PRRC2A: variants seen among roughly 807,000 people sequenced by gnomAD.
The protein encoded by PRRC2A is proline rich coiled-coil 2A.
Under a neutral mutation model 224.6 loss-of-function variants are expected in PRRC2A, and 59 were observed. The observed-to-expected ratio is 0.26, with a 90% confidence interval of 0.21 to 0.33. The LOEUF (loss-of-function observed/expected upper bound fraction) is 0.33, where lower values mean the gene tolerates loss of function less well. Ranked by LOEUF, PRRC2A falls within the 10% of genes least tolerant of loss-of-function variation. The pLI, the probability that PRRC2A is intolerant of heterozygous loss-of-function variation, is 1.00. For synonymous variants in PRRC2A, 1,194 were observed against 1,109.5 expected, an observed-to-expected ratio of 1.08 and a Z score of -1.51; for missense variants, 3,095 against 2,880.7, an observed-to-expected ratio of 1.07 and a Z score of -1.70.
In PRRC2A at chr6:31,636,970, A is replaced by G. The variant is rs1777429427; in HGVS notation, c.6147+25A>G. ...GGTAAGGTACAGGAACTGAGGGGCT[A>G]GGGAGCGCCAAGACTTGGGAGTAGG... is the stretch of plus-strand genomic sequence containing the variant. On this transcript the variant is annotated intron_variant, in intron 28 of 30. Transcript: ENST00000376033. The surrounding 1 kb of genome is among the most constrained non-coding windows in gnomAD (Gnocchi z 4.3). The G allele has an allele frequency of 1.2e-6, 2 of 1,604,928 alleles. No homozygotes were observed. The highest frequency in any genetic ancestry group is 1.7e-6 in the Non-Finnish European group (2 of 1,174,266).
chr6:31,629,358 T>C (rs1463685436), intron 13 of PRRC2A, 24 bp downstream of exon 13: 1 of 1,537,984 alleles, frequency 6.5e-7, no homozygotes, highest in Non-Finnish European at 8.7e-7. Context: ...GTTTACCCTC[T>C]AAGGGCTGCT....
chr6:31,635,536 G>A lies in PRRC2A; in HGVS notation c.5374-46G>A, dbSNP rs377583623. The A allele has an allele frequency of 1.7e-5, 28 of 1,610,612 alleles. 1 individual carries two copies. Among genetic ancestry groups the A allele is most frequent in the East Asian group, 4.5e-5 (2 of 44,880 alleles). On this transcript the variant is annotated intron_variant, in intron 23 of 30. Coordinates refer to ENST00000376033, the MANE Select transcript of PRRC2A (RefSeq NM_004638.4). ...GAAGATTGCTGGGAGTGACCAGGGC[G>A]TCCAGGATGCCAGACATCCCTCTCC...
At chr6:31,635,309 T>C in intron 22 of PRRC2A, 37 bp downstream of exon 22, 1 of 1,613,432 alleles carries the variant, frequency 6.2e-7, no homozygotes, top group Non-Finnish European at 8.5e-7. Context: ...CTGAGTTGGG[T>C]GGAGAGAAGG....
In PRRC2A at chr6:31,625,867, C is replaced by T. The variant is rs1346673582; in HGVS notation, c.835C>T (p.Pro279Ser). 1 of 1,586,132 alleles carries T rather than the reference C, an allele frequency of 6.3e-7. No individual in the cohort carries two copies. Among genetic ancestry groups the T allele is most frequent in the Admixed American group, 1.7e-5 (1 of 59,916 alleles). The change falls in exon 8 of 31, where the codon CCC becomes TCC. Residue 279 changes from proline (P) to serine (S), a missense_variant. Transcript: ENST00000376033. This position sits in a 1 kb window ranked among gnomAD's most constrained non-coding sequence, Gnocchi z 4.1. ...TTACCGATACCCCACTCCTGATGGG[C>T]CCAGGTGAGCAATCCAGGTCTGGGT... ...GPYRYPTPDGPSRFPRVAGPR... is the reference protein window; with the variant it reads ...GPYRYPTPDGSSRFPRVAGPR...
Position 31,630,685 on chromosome 6 carries a change from A to G in PRRC2A, c.2349A>G (p.Pro783=), listed in dbSNP as rs1375786216. 6.2e-7 allele frequency: 1 copy of G among 1,614,058 alleles called. No homozygotes were observed. Among genetic ancestry groups the G allele is most frequent in the Middle Eastern group, 1.6e-4 (1 of 6,062 alleles). Residue 783 remains proline (P), a synonymous_variant, in exon 15 of 31, where the codon CCA becomes CCG. Transcript: ENST00000376033. ...CTATGTTACGGGAACGGGGCACTCC[A>G]CCGGTGGATCCAAAGTTGGCCTGGG... ...APAMLRERGT[P]PVDPKLAWVG...
At position 31,627,412 on chromosome 6, in the gene PRRC2A, AG is replaced by A. The variant is rs530080304; in HGVS notation, c.1290+215del. Among the ~76,000 whole-genome samples, 4 of 152,300 alleles carry A rather than the reference AG, an allele frequency of 2.6e-5. No individual in the cohort carries two copies. In the East Asian group the frequency reaches 7.7e-4, roughly 29 times the overall value. On this transcript the variant is annotated intron_variant, in intron 11 of 30. Transcript: ENST00000376033. The surrounding 1 kb of genome is among the most constrained non-coding windows in gnomAD (Gnocchi z 5.6). ...AAACTGGGATGCTAATGAGGAAAGAAGAAAAAGGAGCCCTGGGTGTTTGGGT... is the reference window on the plus strand; with the variant it reads ...AAACTGGGATGCTAATGAGGAAAGAAAAAAAGGAGCCCTGGGTGTTTGGGT...
Position 31,633,618 on chromosome 6 carries a change from C to T in PRRC2A, c.4559C>T (p.Pro1520Leu), listed in dbSNP as rs572371774. ...CCTAGGCCCCCAACCCGATACGAGC[C>T]CCAGAGGGTCAACAGCGGCCTCAGT... ...PSPRPPTRYE[P>L]QRVNSGLSSD... The change falls in exon 17 of 31, where the codon CCC becomes CTC. Residue 1520 changes from proline (P) to leucine (L), a missense_variant. Physicochemically the swap from Pro to Leu is moderately conservative, Grantham distance 98. This residue lies in a region of PRRC2A where 2,001 missense variants were observed against 1,764.9 expected (regional missense o/e 1.13). Coordinates refer to ENST00000376033, the MANE Select transcript of PRRC2A (RefSeq NM_004638.4). 6.2e-7 allele frequency: 1 copy of T among 1,612,284 alleles called. No homozygotes were observed.
chr6:31,631,242 G>A lies in PRRC2A; in HGVS notation c.2569G>A (p.Glu857Lys). ...PGPPISRFPL[E>K]EPGPRPLPWP... ...GCCCCCAATCTCTCGCTTTCCTCTGGAGGAACCAGGGCCCCGTCCACTCCC... is the reference window on the plus strand; with the variant it reads ...GCCCCCAATCTCTCGCTTTCCTCTGAAGGAACCAGGGCCCCGTCCACTCCC... The change falls in exon 16 of 31, where the codon GAG becomes AAG. Residue 857 changes from glutamate (E) to lysine (K), a missense_variant. Around this residue, in one of 8 missense-constraint regions of PRRC2A, gnomAD observed 2,001 missense variants for 1,764.9 expected, o/e 1.13. Transcript: ENST00000376033. This position sits in a 1 kb window ranked among gnomAD's most constrained non-coding sequence, Gnocchi z 4.5. 2 of 1,611,978 alleles carry A rather than the reference G, an allele frequency of 1.2e-6. No homozygotes were observed.
rs539368227 is a variant in PRRC2A at position 31,632,428 on chromosome 6, A to T, written c.3755A>T (p.Asp1252Val). The T allele has an allele frequency of 5.6e-6, 9 of 1,606,566 alleles. No individual in the cohort carries two copies. The African/African-American group carries it at 1.1e-4, about 19-fold the overall frequency. ...RRRHGRAQQQ[D>V]KPPRFRRLKQ... Reference sequence around the variant, plus strand: ...CGACATGGGAGGGCTCAGCAGCAGGATAAACCGCCTCGTTTCCGGAGGCTG... The same window carrying T: ...CGACATGGGAGGGCTCAGCAGCAGGTTAAACCGCCTCGTTTCCGGAGGCTG... The change falls in exon 16 of 31, where the codon GAT becomes GTT. Residue 1252 changes from aspartate to valine, a missense_variant. Transcript: ENST00000376033.
Position 31,628,110 on chromosome 6 carries a change from C to T in PRRC2A, c.1636C>T (p.Pro546Ser). 6.2e-7 allele frequency: 1 copy of T among 1,613,150 alleles called. No individual in the cohort carries two copies. The highest frequency in any genetic ancestry group is 8.5e-7 in the Non-Finnish European group (1 of 1,180,004). The change falls in exon 12 of 31, where the codon CCT (proline) becomes TCT (serine). Residue 546 changes from proline (P) to serine (S), a missense_variant. Pro to Ser is a moderately conservative substitution (Grantham distance 74). This residue lies in a region of PRRC2A where 2,001 missense variants were observed against 1,764.9 expected (regional missense o/e 1.13). Transcript: ENST00000376033. ...PASAPTPETE[P>S]EEPAQAPPAQ... The stretch of plus-strand genomic sequence containing the variant: ...ATCAGCCCCAACACCAGAGACAGAA[C>T]CTGAAGAGCCAGCACAGGCCCCTCC...
Position 31,634,954 on chromosome 6 carries a change from G to C in PRRC2A, c.5137G>C (p.Ala1713Pro). The C allele has an allele frequency of 6.2e-7, 1 of 1,612,674 alleles. No individual in the cohort carries two copies. Among genetic ancestry groups the C allele is most frequent in the South Asian group, 1.1e-5 (1 of 91,080 alleles). ...TGAACCTCCTAGGAGACCACCACCT[G>C]CCCCCCACGATGGGGACAGAAAGGT... ...GSEPPRRPPP[A>P]PHDGDRKELP... The change falls in exon 21 of 31, where the codon GCC becomes CCC. Residue 1713 changes from alanine to proline, a missense_variant. Physicochemically the swap from Ala to Pro is conservative, Grantham distance 27. Coordinates refer to ENST00000376033, the MANE Select transcript of PRRC2A (RefSeq NM_004638.4).
intron 5 of PRRC2A, 27 bp downstream of exon 5, chr6:31,624,549 T>C (rs1445194294): frequency 1.9e-6 from 3 of 1,587,970 alleles, no homozygotes; most frequent in Non-Finnish European, 2.6e-6. Context: ...ATTGGGGAGC[T>C]GTGTCTGGGC....
rs1025854870 is a variant in PRRC2A, at chr6:31,636,120, C to G, written c.5624+71C>G. The stretch of plus-strand genomic sequence containing the variant: ...TTCGGGGAGAGGGAAGGGGAAGACA[C>G]AGTTCTAGGGTACTAGAAGCTAGTG... On this transcript the variant is annotated intron_variant, in intron 25 of 30. Coordinates refer to ENST00000376033, the MANE Select transcript of PRRC2A (RefSeq NM_004638.4). The surrounding 1 kb of genome is among the most constrained non-coding windows in gnomAD (Gnocchi z 4.3). 3 of 1,563,262 alleles carry G rather than the reference C, an allele frequency of 1.9e-6. No individual in the cohort carries two copies. The highest frequency in any genetic ancestry group is 2.6e-6 in the Non-Finnish European group (3 of 1,134,620).
At position 31,631,512 on chromosome 6, in the gene PRRC2A, C is replaced by T. The variant is rs945499771; in HGVS notation, c.2839C>T (p.Arg947Cys). ...IPPEEPGAPP[R>C]RAGPIKKPPP... is the part of the protein sequence containing the mutation. Reference sequence around the variant, plus strand: ...TCCAGAGGAGCCAGGGGCCCCACCCCGCCGGGCTGGGCCTATAAAGAAACC... The same window carrying T: ...TCCAGAGGAGCCAGGGGCCCCACCCTGCCGGGCTGGGCCTATAAAGAAACC... Residue 947 changes from arginine (R) to cysteine (C), a missense_variant, in exon 16 of 31, where the codon CGC (arginine) becomes TGC (cysteine). By Grantham distance (180) the Arg-to-Cys change is radical. Around this residue, in one of 8 missense-constraint regions of PRRC2A, gnomAD observed 2,001 missense variants for 1,764.9 expected, o/e 1.13. Transcript: ENST00000376033. The surrounding 1 kb of genome is among the most constrained non-coding windows in gnomAD (Gnocchi z 4.5). The T allele has an allele frequency of 5.6e-6, 9 of 1,602,448 alleles. No individual in the cohort carries two copies. Among genetic ancestry groups the T allele is most frequent in the Non-Finnish European group, 7.6e-6 (9 of 1,176,504 alleles).
chr6:31,626,639 C>T (rs1775944788), intron 9 of PRRC2A, 133 bp from the exon 10 acceptor site: 3 of 776,474 alleles, frequency 3.9e-6, no homozygotes, highest in Non-Finnish European at 2.1e-6. Context: ...AATGACAAGA[C>T]TTCATTGGTG....
chr6:31,634,000 G>A lies in PRRC2A; in HGVS notation c.4719+11G>A. ...GAGCTGCTACAGGAGGTAAGGGATG[G>A]GTTTGAGATTGTGCTTCACTGCACT... On this transcript the variant is annotated intron_variant, in intron 18 of 30. Coordinates refer to ENST00000376033, the MANE Select transcript of PRRC2A (RefSeq NM_004638.4). 8 of 1,602,270 alleles carry A rather than the reference G, an allele frequency of 5.0e-6. No homozygotes were observed. The highest frequency in any genetic ancestry group is 5.1e-6 in the Non-Finnish European group (6 of 1,177,400).
In PRRC2A at chr6:31,632,460, G is replaced by A; in HGVS notation, c.3787G>A (p.Glu1263Lys). 6.2e-7 allele frequency: 1 copy of A among 1,606,292 alleles called. No individual in the cohort carries two copies. Among genetic ancestry groups the A allele is most frequent in the Non-Finnish European group, 8.5e-7 (1 of 1,175,358 alleles). ...GCCTCGTTTCCGGAGGCTGAAGCAG[G>A]AACGGGAGAATGCCGCAAGGGGGTC... is the stretch of plus-strand genomic sequence containing the variant. ...KPPRFRRLKQ[E>K]RENAARGSEG... The change falls in exon 16 of 31, where the codon GAA (glutamate) becomes AAA (lysine). Residue 1263 changes from glutamate (E) to lysine (K), a missense_variant. Coordinates refer to ENST00000376033, the MANE Select transcript of PRRC2A (RefSeq NM_004638.4).
intron 1 of PRRC2A, among the ~76,000 whole-genome samples, 187 bp downstream of exon 1, chr6:31,621,045 C>A (rs1374358840): frequency 6.6e-6 from 1 of 152,212 alleles, no homozygotes; most frequent in African/African-American, 2.4e-5. Flanking sequence ...ACTCCGGGAC[C>A]CGCACCTCCG....
At position 31,627,137 on chromosome 6, in the gene PRRC2A, C is replaced by T. The variant is rs749011235; in HGVS notation, c.1229C>T (p.Pro410Leu). The change falls in exon 11 of 31, where the codon CCT becomes CTT. Residue 410 changes from proline (P) to leucine (L), a missense_variant. By Grantham distance (98) the Pro-to-Leu change is moderately conservative. Transcript: ENST00000376033. This position sits in a 1 kb window ranked among gnomAD's most constrained non-coding sequence, Gnocchi z 5.6. ...ETEPGPPAPK[P>L]PLPPPHRGPA... is the part of the protein sequence containing the mutation. ...GAGCCGGGACCTCCTGCCCCAAAGC[C>T]TCCCCTACCCCCACCTCACCGGGGC... is the stretch of plus-strand genomic sequence containing the variant. 6 of 1,613,712 alleles carry T rather than the reference C, an allele frequency of 3.7e-6. No homozygotes were observed. In the African/African-American group the frequency reaches 5.3e-5, roughly 14 times the overall value.
Sources: allele counts gnomAD v4.1 joint callset (sites outside exome capture counted in the v4.1 genomes callset), GRCh38; gene constraint gnomAD v4.1.1; regional missense constraint gnomAD v4.1.1; non-coding constraint Gnocchi (gnomAD v3.1); transcripts MANE v1.5; gene names NCBI Gene and HGNC (gene_info 2026-07-23, HGNC 2026-07-21).